CEP112: variants seen among roughly 807,000 people sequenced by gnomAD.
CEP112 encodes the protein centrosomal protein of 112 kDa.
CEP112 carries 127 observed loss-of-function variants against 153.0 expected under a neutral mutation model. The observed-to-expected ratio is 0.83, with a 90% CI of 0.72 to 0.96. CEP112 has a LOEUF of 0.96. Ranked by LOEUF, CEP112 falls within the 40% of genes least tolerant of loss-of-function variation. CEP112 has a pLI of 0.00. For synonymous variants in CEP112, 358 were observed against 374.4 expected (o/e 0.96, Z 0.51); for missense variants, 1,089 against 1,101.2 (o/e 0.99, Z 0.16).
chr17:65,758,133 C>A lies in CEP112; in HGVS notation c.2395-7409G>T, dbSNP rs528047805. On this transcript the variant is annotated intron_variant, in intron 21 of 26. Transcript: ENST00000535342. ...ACATGACACTGCCCTTGGCTCTGCTCTATTTTTATTATTTCCTTTCTTCTG... is the reference window on the plus strand; with the variant it reads ...ACATGACACTGCCCTTGGCTCTGCTATATTTTTATTATTTCCTTTCTTCTG... 5.9e-5 allele frequency among the ~76,000 whole-genome samples: 9 copies of A among 152,168 alleles called. No individual in the cohort carries two copies. The East Asian group carries it at 1.7e-3, about 29-fold the overall frequency.
Position 66,062,963 on chromosome 17 carries a change from CT to C in CEP112, c.1073del (p.Lys358SerfsTer6), listed in dbSNP as rs769310263. 2.1e-5 allele frequency: 31 copies of C among 1,501,742 alleles called. No homozygotes were observed. The highest frequency in any genetic ancestry group is 5.0e-5 in the South Asian group (4 of 79,232). 93.0% of individuals were successfully genotyped at this position (1,501,742 alleles called of 1,614,324 possible). On this transcript the variant is annotated frameshift_variant and splice_region_variant, in exon 11 of 27. Transcript: ENST00000535342. LOFTEE classifies it high-confidence loss of function. ...TCCATTAGTATTTTATGTAGCTTAC[CT>C]TTTTTTCCCAGTCATTATTTAGAGA... ...TESLNNDWEK[K>X]LHNAVAEMEQ...
At chr17:66,136,040 G>T (rs972114493) in intron 4 of CEP112, among the ~76,000 whole-genome samples, 1 of 152,102 alleles carries the variant, frequency 6.6e-6, no homozygotes, top group African/African-American at 2.4e-5. Flanking sequence ...CCAGATGAGA[G>T]GCTCCTGTAC....
Position 65,915,787 on chromosome 17 carries a change from C to CAA in CEP112, c.1980+11793_1980+11794dup, listed in dbSNP as rs755351021. ...TGGGTGACAGAGTGAGACTCAAACT[C>CAA]AAAAAAAAAAAAAAAAAAAAAGAGA... On this transcript the variant is annotated intron_variant, in intron 19 of 26. Coordinates refer to ENST00000535342, the MANE Select transcript of CEP112 (RefSeq NM_001199165.4). Among the ~76,000 whole-genome samples, 257 of 56,266 alleles carry CAA rather than the reference C, an allele frequency of 4.6e-3. 1 individual carries two copies. Among genetic ancestry groups the CAA allele is most frequent in the African/African-American group, 7.7e-3 (114 of 14,784 alleles). 36.9% of individuals were successfully genotyped at this position (56,266 alleles called of 152,430 possible). A position where few individuals can be genotyped will look rare whatever the true frequency, so the allele number is the denominator to read the frequency against.
At position 65,696,607 on chromosome 17, in the gene CEP112, C is replaced by T. The variant is rs557287490; in HGVS notation, c.2608-7389G>A. On this transcript the variant is annotated intron_variant, in intron 23 of 26. Transcript: ENST00000535342. Reference sequence around the variant, plus strand: ...GGGTGAAACGCAGAAAGGGGACTTGCGAGCTGCAAGCTCTGCAAAACTGAG... The same window carrying T: ...GGGTGAAACGCAGAAAGGGGACTTGTGAGCTGCAAGCTCTGCAAAACTGAG... Among the ~76,000 whole-genome samples the T allele has an allele frequency of 1.2e-4, 19 of 152,168 alleles. No individual in the cohort carries two copies. In the South Asian group the frequency reaches 3.3e-3, roughly 27 times the overall value.
At chr17:65,750,548 C>T in intron 22 of CEP112, 114 bp downstream of exon 22, 5 of 785,988 alleles carry the variant, frequency 6.4e-6, no homozygotes, top group East Asian at 5.2e-5. Context: ...GATACCATTC[C>T]ACAAAAAAAA....
chr17:65,725,125 T>C (rs1490705765), intron 23 of CEP112, among the ~76,000 whole-genome samples: 1 of 152,194 alleles, frequency 6.6e-6, no homozygotes, highest in African/African-American at 2.4e-5. Flanking sequence ...TGTCTGAATC[T>C]TAAAAGAGGA....
At position 65,851,890 on chromosome 17, in the gene CEP112, C is replaced by T. The variant is rs137923595; in HGVS notation, c.2308G>A (p.Val770Ile). The T allele has an allele frequency of 5.1e-5, 83 of 1,614,138 alleles. No individual in the cohort carries two copies. The highest frequency in any genetic ancestry group is 1.6e-4 in the Middle Eastern group (1 of 6,062). Reference protein sequence around the residue: ...QRATREHEIVVNKLKAESEKM... With the variant: ...QRATREHEIVINKLKAESEKM... ...TCTGATTCAGCCTTCAGTTTATTGA[C>T]GACAATCTCATGTTCCCTTGTAGCC... is the stretch of plus-strand genomic sequence containing the variant. Residue 770 changes from valine (V) to isoleucine (I), a missense_variant, in exon 21 of 27, where the codon GTC becomes ATC. Val to Ile is a conservative substitution (Grantham distance 29, BLOSUM62 3). Coordinates refer to ENST00000535342, the MANE Select transcript of CEP112 (RefSeq NM_001199165.4).
At chr17:65,765,240 T>A (rs2052884337) in intron 21 of CEP112, among the ~76,000 whole-genome samples, 1 of 146,610 alleles carries the variant, frequency 6.8e-6, no homozygotes, top group Non-Finnish European at 1.5e-5. Flanking sequence ...TCTCTTGTAA[T>A]TTTTTTGAGT....
At chr17:65,915,787 C>CAAAAA (rs755351021) in intron 19 of CEP112, among the ~76,000 whole-genome samples, 1 of 56,590 alleles carries the variant, frequency 1.8e-5, no homozygotes, top group Non-Finnish European at 3.5e-5. Context: ...GACTCAAACT[C>CAAAAA]AAAAAAAAAA....
chr17:66,008,094 T>A (rs575254548), intron 16 of CEP112, among the ~76,000 whole-genome samples: 1 of 152,294 alleles, frequency 6.6e-6, no homozygotes, highest in African/African-American at 2.4e-5. Flanking sequence ...AAATTATACA[T>A]CTTTGAGGTA....
intron 4 of CEP112, among the ~76,000 whole-genome samples, chr17:66,152,439 A>G (rs949837568): frequency 1.3e-4 from 20 of 152,216 alleles, no homozygotes; most frequent in African/African-American, 4.8e-4. Context: ...AGAGTAGAGT[A>G]AAATTGAGTC....
chr17:66,065,689 G>C lies in CEP112; in HGVS notation c.955+1089C>G, dbSNP rs916101926. ...CTGTTGCCCAGGCTGGAGTGCAGTG[G>C]CACGGTCTCGGCTCACTGCAAGCTC... On this transcript the variant is annotated intron_variant, in intron 10 of 26. Transcript: ENST00000535342. Among the ~76,000 whole-genome samples the C allele has an allele frequency of 7.3e-5, 11 of 150,634 alleles. 1 individual carries two copies. In the South Asian group the frequency reaches 2.1e-3, roughly 29 times the overall value.
intron 8 of CEP112, among the ~76,000 whole-genome samples, chr17:66,091,940 A>G (rs2068147772): frequency 6.6e-6 from 1 of 152,324 alleles, no homozygotes; most frequent in East Asian, 1.9e-4. Context: ...AAAGGAATAA[A>G]TTCCTGGACA....
intron 17 of CEP112, among the ~76,000 whole-genome samples, chr17:65,974,717 T>C (rs2062967478): frequency 1.3e-5 from 2 of 152,176 alleles, no homozygotes; most frequent in Admixed American, 1.3e-4. Context: ...TGTACAAAAG[T>C]ATCCATGCCT....
intron 22 of CEP112, among the ~76,000 whole-genome samples, chr17:65,749,640 G>C (rs2051695348): frequency 6.6e-6 from 1 of 151,990 alleles, no homozygotes; most frequent in African/African-American, 2.4e-5. Flanking sequence ...TTGCCAACTT[G>C]TGTGATCTTA....
At chr17:65,795,768 C>T (rs2054875906) in intron 21 of CEP112, among the ~76,000 whole-genome samples, 3 of 152,032 alleles carry the variant, frequency 2.0e-5, no homozygotes, top group South Asian at 4.1e-4. Flanking sequence ...GCTGAGATCA[C>T]GCCACTGCAC....
chr17:65,904,528 C>G (rs561133005), intron 19 of CEP112, among the ~76,000 whole-genome samples: 3 of 152,130 alleles, frequency 2.0e-5, no homozygotes, highest in Non-Finnish European at 4.4e-5. Flanking sequence ...CCATGCTGCC[C>G]GAAGTAATTT....
intron 12 of CEP112, among the ~76,000 whole-genome samples, chr17:66,040,429 A>G (rs2065919603): frequency 6.6e-6 from 1 of 150,552 alleles, no homozygotes; most frequent in African/African-American, 2.4e-5. Context: ...AAAATGCAAG[A>G]CCTTTATTGA....
intron 12 of CEP112, among the ~76,000 whole-genome samples, chr17:66,045,758 T>C (rs2066175164): frequency 6.6e-6 from 1 of 152,364 alleles, no homozygotes; most frequent in East Asian, 1.9e-4. Context: ...CTGGGAGTCA[T>C]GGTCAAAAAT....
Sources: allele counts gnomAD v4.1 joint callset (sites outside exome capture counted in the v4.1 genomes callset), GRCh38; gene constraint gnomAD v4.1.1; transcripts MANE v1.5; gene names NCBI Gene and HGNC (gene_info 2026-07-23, HGNC 2026-07-21).